The following KAZN variants were observed in gnomAD, a reference collection of about 807,000 sequenced individuals.
The protein encoded by KAZN is kazrin, periplakin interacting protein.
Under a neutral mutation model 87.4 loss-of-function variants are expected in KAZN, and 40 were observed. The observed-to-expected ratio is 0.46, with a 90% confidence interval of 0.36 to 0.60. The LOEUF is 0.60. KAZN is among the 20% of genes least tolerant of loss of function. KAZN has a pLI of 0.00. For synonymous variants in KAZN, 466 were observed against 458.3 expected (o/e 1.02, Z -0.22); for missense variants, 898 against 1,073.9 (o/e 0.84, Z 2.29).
chr1:14,731,868 A>G (rs1643692307), intron 1 of KAZN, among the ~76,000 whole-genome samples: 3 of 152,206 alleles, frequency 2.0e-5, no homozygotes, highest in Non-Finnish European at 2.9e-5. Context: ...AGTACTAACC[A>G]AATGAGGGGG....
chr1:13,969,391 A>G (rs1473858115), intron 1 of KAZN, among the ~76,000 whole-genome samples: 1 of 152,180 alleles, frequency 6.6e-6, no homozygotes, highest in Non-Finnish European at 1.5e-5. Context: ...GCACATGCTG[A>G]CAGGGAGAAA....
At chr1:14,998,510 A>G (rs141162997) in intron 2 of KAZN, among the ~76,000 whole-genome samples, 5 of 152,226 alleles carry the variant, frequency 3.3e-5, no homozygotes, top group Admixed American at 3.3e-4. Flanking sequence ...ATAATACCCT[A>G]TGATGGAGGT....
chr1:14,719,322 G>A (rs931348191), intron 1 of KAZN, among the ~76,000 whole-genome samples: 22 of 152,226 alleles, frequency 1.4e-4, no homozygotes, highest in African/African-American at 4.6e-4. Context: ...GTTTGATGTT[G>A]GGGACATGGC....
At chr1:13,911,008 G>A (rs1360031217) in intron 1 of KAZN, among the ~76,000 whole-genome samples, 2 of 152,062 alleles carry the variant, frequency 1.3e-5, no homozygotes, top group Non-Finnish European at 2.9e-5. Context: ...GGGGAAGACA[G>A]GAACAAGAGA....
In KAZN at chr1:15,034,864, C is replaced by A. The variant is rs553136758; in HGVS notation, c.534C>A (p.Arg178=). 189 of 1,613,944 alleles carry A rather than the reference C, an allele frequency of 1.2e-4. No individual in the cohort carries two copies. The highest frequency in any genetic ancestry group is 1.5e-4 in the Non-Finnish European group (179 of 1,179,936). The change falls in exon 3 of 15, where the codon CGC becomes CGA. Residue 178 remains arginine, a synonymous_variant. Transcript: ENST00000376030. ...AGGAGCAGCTCCGAGACTTCATCCG[C>A]AACTATGAGCAGCACCGCAAGGTCA... ...SREEQLRDFI[R]NYEQHRKESE...
intron 2 of KAZN, among the ~76,000 whole-genome samples, chr1:14,188,230 T>TGTGG (rs1044324256): frequency 6.7e-6 from 1 of 150,092 alleles, no homozygotes; most frequent in African/African-American, 2.4e-5. Flanking sequence ...TGTGTGTGTG[T>TGTGG]GTGTGTGAAA....
rs1392668476 is a variant in KAZN, at chr1:14,382,657, T to C, written c.249+202065T>C. On this transcript the variant is annotated intron_variant, in intron 2 of 16. Coordinates refer to the KAZN transcript ENST00000636203. ...TACAAAGGACATGAACTGATCATTT[T>C]TTATGGCTGCATAGTATTCCATGGT... Among the ~76,000 whole-genome samples the C allele has an allele frequency of 2.5e-3, 363 of 147,494 alleles. 4 individuals carry two copies. The highest frequency in any genetic ancestry group is 3.9e-3 in the Non-Finnish European group (259 of 66,282).
intron 2 of KAZN, among the ~76,000 whole-genome samples, chr1:14,310,113 TGAAA>T (rs1371029457): frequency 1.3e-5 from 2 of 152,084 alleles, no homozygotes; most frequent in African/African-American, 4.8e-5. Flanking sequence ...CTCCTAGTTT[TGAAA>T]GAAAGGTTGG....
In KAZN at chr1:14,311,529, C is replaced by T. The variant is rs112191505; in HGVS notation, c.249+130937C>T. ...TATTGGTGGGGTGGAATAATCAGGACGGCATCGTGGAGACCAGAATCAAGC... is the reference window on the plus strand; with the variant it reads ...TATTGGTGGGGTGGAATAATCAGGATGGCATCGTGGAGACCAGAATCAAGC... On this transcript the variant is annotated intron_variant, in intron 2 of 16. Transcript: ENST00000636203. Among the ~76,000 whole-genome samples, 1,364 of 152,142 alleles carry T rather than the reference C, an allele frequency of 9.0e-3. 26 individuals carry two copies. Among genetic ancestry groups the T allele is most frequent in the African/African-American group, 0.031 (1,299 of 41,484 alleles).
chr1:14,099,574 C>T (rs1644204054), intron 1 of KAZN, among the ~76,000 whole-genome samples: 1 of 152,120 alleles, frequency 6.6e-6, no homozygotes, highest in East Asian at 1.9e-4. Flanking sequence ...CTACAAGACT[C>T]CCATCAGGAA....
chr1:14,326,000 A>G (rs757453719), intron 2 of KAZN, among the ~76,000 whole-genome samples: 3 of 152,074 alleles, frequency 2.0e-5, no homozygotes, highest in Non-Finnish European at 4.4e-5. Context: ...AGGTGAATGC[A>G]CCTGTCTGTC....
intron 1 of KAZN, among the ~76,000 whole-genome samples, chr1:14,876,700 T>C (rs1303955690): frequency 6.6e-6 from 1 of 152,198 alleles, no homozygotes. Flanking sequence ...CAAAAATTGG[T>C]ATGCTTTTGA....
At chr1:14,632,935 G>A (rs1221942388) in intron 1 of KAZN, among the ~76,000 whole-genome samples, 1 of 149,468 alleles carries the variant, frequency 6.7e-6, no homozygotes, top group Non-Finnish European at 1.5e-5. Context: ...TTTTTTTTTT[G>A]AGACAGAGTA....
At chr1:14,522,375 G>C (rs1671633696) in intron 2 of KAZN, among the ~76,000 whole-genome samples, 1 of 152,160 alleles carries the variant, frequency 6.6e-6, no homozygotes, top group Admixed American at 6.5e-5. Context: ...TGACAGCTAG[G>C]CTTGCTTGGG....
In KAZN at chr1:14,550,661, G is replaced by C. The variant is rs1423813484; in HGVS notation, c.250-48322G>C. Among the ~76,000 whole-genome samples the C allele has an allele frequency of 2.0e-5, 3 of 147,520 alleles. No homozygotes were observed. The East Asian group carries it at 6.0e-4, about 29-fold the overall frequency. On this transcript the variant is annotated intron_variant, in intron 2 of 16. Coordinates refer to the KAZN transcript ENST00000636203. Reference sequence around the variant, plus strand: ...TTAACGAATAAGTTAATTAGCAGCAGACAAAACCTAAACAATCTAAGTTCC... The same window carrying C: ...TTAACGAATAAGTTAATTAGCAGCACACAAAACCTAAACAATCTAAGTTCC...
At chr1:14,187,407 A>G (rs182598084) in intron 2 of KAZN, among the ~76,000 whole-genome samples, 2 of 152,316 alleles carry the variant, frequency 1.3e-5, no homozygotes, top group East Asian at 3.9e-4. Context: ...TATGGTTTAC[A>G]AAAGTATTTA....
At position 15,099,748 on chromosome 1, in the gene KAZN, A is replaced by AC. The variant is rs1294160113; in HGVS notation, c.1548-1790dup. Among the ~76,000 whole-genome samples, 2 of 151,852 alleles carry AC rather than the reference A, an allele frequency of 1.3e-5. No homozygotes were observed. The highest frequency in any genetic ancestry group is 1.5e-5 in the Non-Finnish European group (1 of 67,954). On this transcript the variant is annotated intron_variant, in intron 10 of 14. Transcript: ENST00000376030. The surrounding 1 kb of genome is among the most constrained non-coding windows in gnomAD (Gnocchi z 5.4). Reference sequence around the variant, plus strand: ...ACGGTCACACTGACATTTTAAAAGGACCCCCTGGTGGTCCTGGGGGATGCG... The same window carrying AC: ...ACGGTCACACTGACATTTTAAAAGGACCCCCCTGGTGGTCCTGGGGGATGCG...
At chr1:15,003,420 T>A (rs556907639) in intron 2 of KAZN, among the ~76,000 whole-genome samples, 1 of 152,274 alleles carries the variant, frequency 6.6e-6, no homozygotes, top group South Asian at 2.1e-4. Flanking sequence ...GGTGATGGTG[T>A]CAGGGTGTCT....
At chr1:14,840,370 C>A (rs941356710) in intron 1 of KAZN, among the ~76,000 whole-genome samples, 1 of 152,200 alleles carries the variant, frequency 6.6e-6, no homozygotes, top group Non-Finnish European at 1.5e-5. Flanking sequence ...CCTTTTTGAG[C>A]ATTTGGGTGC....
Sources: gnomAD v4.1 joint callset for allele counts (sites outside exome capture counted in the v4.1 genomes callset) on GRCh38, gnomAD v4.1.1 for gene constraint, Gnocchi (gnomAD v3.1) non-coding constraint, MANE v1.5 for transcripts, NCBI Gene and HGNC (gene_info 2026-07-23, HGNC 2026-07-21) for gene names.